The following SCN8A variants were observed in gnomAD, a reference collection of about 807,000 sequenced individuals.
SCN8A encodes sodium voltage-gated channel alpha subunit 8, also known as sodium channel protein type 8 subunit alpha.
SCN8A carries 30 observed loss-of-function variants against 184.1 expected under a neutral mutation model. That is an observed-to-expected ratio of 0.16 (90% CI 0.12 to 0.22). The LOEUF (loss-of-function observed/expected upper bound fraction) is 0.22, where lower values mean the gene tolerates loss of function less well. SCN8A is among the 10% of genes least tolerant of loss of function. The pLI is 1.00. For synonymous variants in SCN8A, 852 were observed against 907.0 expected (o/e 0.94, Z 1.09); for missense variants, 1,057 against 2,498.9 (o/e 0.42, Z 12.30).
intron 1 of SCN8A, among the ~76,000 whole-genome samples, chr12:51,611,203 T>G (rs936379181): frequency 6.6e-6 from 1 of 151,858 alleles, no homozygotes; most frequent in African/African-American, 2.4e-5. Context: ...TTTTTTTTTT[T>G]TTTTGAGACA....
chr12:51,592,690 A>G (rs1452067339), intron 1 of SCN8A, among the ~76,000 whole-genome samples: 1 of 151,078 alleles, frequency 6.6e-6, no homozygotes, highest in Non-Finnish European at 1.5e-5. Flanking sequence ...GGCACCAGAG[A>G]GTCAGGGATG....
At chr12:51,636,082 C>T (rs544096459) in intron 1 of SCN8A, among the ~76,000 whole-genome samples, 1 of 152,300 alleles carries the variant, frequency 6.6e-6, no homozygotes, top group Non-Finnish European at 1.5e-5. Flanking sequence ...GCAAGCTCTG[C>T]CTCCTAGGTT....
chr12:51,751,090 G>A (rs557662185), intron 13 of SCN8A, among the ~76,000 whole-genome samples: 3 of 152,222 alleles, frequency 2.0e-5, no homozygotes, highest in South Asian at 4.2e-4. Context: ...AGACCTGAGA[G>A]GCCAAGCTCT....
rs897392934 is a variant in SCN8A at position 51,700,849 on chromosome 12, G to T, written c.929-295G>T. On this transcript the variant is annotated intron_variant, in intron 7 of 26. Transcript: ENST00000627620. ...TACAACTCAGAAAACTTACTTTTAG[G>T]TCCCTTTGATTCAAGTACCAGAATC... is the stretch of plus-strand genomic sequence containing the variant. Among the ~76,000 whole-genome samples the T allele has an allele frequency of 3.3e-5, 5 of 152,254 alleles. No individual in the cohort carries two copies. In the South Asian group the frequency reaches 1.0e-3, roughly 32 times the overall value.
At chr12:51,796,869 A>G (rs303812) in intron 26 of SCN8A, among the ~76,000 whole-genome samples, 130,770 of 152,156 alleles carry the variant, frequency 0.86, 56,389 homozygotes, top group East Asian at 0.98. Context: ...GATGAAGGCC[A>G]GAAGACTCAG....
chr12:51,718,200 G>A (rs894956276), intron 11 of SCN8A, among the ~76,000 whole-genome samples: 25 of 152,212 alleles, frequency 1.6e-4, no homozygotes, highest in African/African-American at 5.8e-4. Flanking sequence ...AGTATTAACA[G>A]GCTGAGCGCA....
chr12:51,659,391 G>T (rs542878253), intron 1 of SCN8A, among the ~76,000 whole-genome samples: 6 of 152,268 alleles, frequency 3.9e-5, no homozygotes, highest in Admixed American at 2.6e-4. Flanking sequence ...GGTTACACAG[G>T]CACATACATA....
rs34564079 is a variant in SCN8A at position 51,679,721 on chromosome 12, C to CTTTTT, written c.277-4435_277-4431dup. On this transcript the variant is annotated intron_variant, in intron 2 of 26. Coordinates refer to ENST00000627620, the MANE Select transcript of SCN8A (RefSeq NM_001330260.2). ...TGTGTTTGTCCAAAGACTATCTTGC[C>CTTTTT]TTTTTTTTTTTTTTTTTTTTTTGAG... Among the ~76,000 whole-genome samples the CTTTTT allele has an allele frequency of 3.3e-4, 28 of 85,510 alleles. 1 individual carries two copies. The highest frequency in any genetic ancestry group is 8.6e-4 in the African/African-American group (19 of 22,030). The allele number at this position is 85,510 out of a possible 152,430, so 56.1% of individuals were successfully genotyped here.
At chr12:51,804,609 C>G (rs559007446) in intron 26 of SCN8A, among the ~76,000 whole-genome samples, 1 of 152,294 alleles carries the variant, frequency 6.6e-6, no homozygotes, top group South Asian at 2.1e-4. Flanking sequence ...CATGCCTCAG[C>G]CTCCTGAATA....
Position 51,810,483 on chromosome 12 carries a change from A to G in SCN8A, c.*3054A>G. On this transcript the variant is annotated 3_prime_UTR_variant, in exon 27 of 27. Transcript: ENST00000627620. ...GCAATGCTTTGCCAAATATTAACGA[A>G]GCCAATCAAAGAGCAGCGCAGCCAC... The G allele has an allele frequency of 4.5e-6, 2 of 440,672 alleles. No homozygotes were observed. Among genetic ancestry groups the G allele is most frequent in the Non-Finnish European group, 9.1e-6 (2 of 220,450 alleles). The allele number at this position is 440,672 out of a possible 1,614,324, so 27.3% of individuals were successfully genotyped here.
chr12:51,781,342 C>T (rs1937914843), intron 21 of SCN8A, among the ~76,000 whole-genome samples: 1 of 152,138 alleles, frequency 6.6e-6, no homozygotes, highest in Admixed American at 6.5e-5. Flanking sequence ...TTGTTGTTCT[C>T]AGCCCAGTCC....
chr12:51,781,784 G>A (rs1002259131), intron 21 of SCN8A, among the ~76,000 whole-genome samples: 2 of 152,150 alleles, frequency 1.3e-5, no homozygotes, highest in Non-Finnish European at 2.9e-5. Context: ...AAGAAAACTC[G>A]CTTCAATTCA....
intron 12 of SCN8A, chr12:51,722,226 T>G: frequency 2.2e-6 from 1 of 460,868 alleles, no homozygotes. Flanking sequence ...TCCTTTATTT[T>G]ACCGTTTTCT....
chr12:51,706,671 C>T lies in SCN8A; in HGVS notation c.1591C>T (p.Leu531=), dbSNP rs773176178. The change falls in exon 11 of 27, where the codon CTG becomes TTG. Residue 531 remains leucine, a synonymous_variant. Transcript: ENST00000627620. ...TGGCATGAGAAGGAAGGCCTTTCGGCTGCCAGACAACAGAATAGGGAGGAA... is the reference window on the plus strand; with the variant it reads ...TGGCATGAGAAGGAAGGCCTTTCGGTTGCCAGACAACAGAATAGGGAGGAA... ...EDGMRRKAFR[L]PDNRIGRKFS... is the part of the protein sequence containing the mutation. 1.9e-6 allele frequency: 3 copies of T among 1,594,918 alleles called. No homozygotes were observed. The South Asian group carries it at 3.5e-5, about 18-fold the overall frequency.
intron 2 of SCN8A, among the ~76,000 whole-genome samples, chr12:51,663,903 ATTTTTTT>A (rs796653928): frequency 4.9e-4 from 34 of 69,824 alleles, no homozygotes; most frequent in African/African-American, 6.3e-4. Context: ...CATTTGACAG[ATTTTTTT>A]TTTTTTTTTT....
intron 1 of SCN8A, among the ~76,000 whole-genome samples, chr12:51,613,335 T>C (rs777952523): frequency 2.6e-5 from 4 of 152,216 alleles, no homozygotes; most frequent in Non-Finnish European, 5.9e-5. Flanking sequence ...TGAGTTTTAA[T>C]ACTTTGTGGC....
At chr12:51,657,367 C>A (rs1038100106) in intron 1 of SCN8A, among the ~76,000 whole-genome samples, 1 of 152,032 alleles carries the variant, frequency 6.6e-6, no homozygotes, top group Non-Finnish European at 1.5e-5. Context: ...ACTTTTCTAG[C>A]GTTTCCCTGA....
At chr12:51,663,903 A>ATGTTTTTTT (rs1940974975) in intron 2 of SCN8A, among the ~76,000 whole-genome samples, 1 of 69,806 alleles carries the variant, frequency 1.4e-5, no homozygotes, top group African/African-American at 4.8e-5. Context: ...CATTTGACAG[A>ATGTTTTTTT]TTTTTTTTTT....
Position 51,807,584 on chromosome 12 carries a change from A to C in SCN8A, c.*155A>C, listed in dbSNP as rs1409459088. 10 of 810,630 alleles carry C rather than the reference A, an allele frequency of 1.2e-5. No homozygotes were observed. The East Asian group carries it at 2.4e-4, about 19-fold the overall frequency. 50.2% of individuals were successfully genotyped at this position (810,630 alleles called of 1,614,324 possible). On this transcript the variant is annotated 3_prime_UTR_variant, in exon 27 of 27. Coordinates refer to ENST00000627620, the MANE Select transcript of SCN8A (RefSeq NM_001330260.2). This position sits in a 1 kb window ranked among gnomAD's most constrained non-coding sequence, Gnocchi z 4.5. Reference sequence around the variant, plus strand: ...TCTGCTTACCACGTAACACAGCTGCATCTTGAGCAGTGACCTGCCAAGGGC... The same window carrying C: ...TCTGCTTACCACGTAACACAGCTGCCTCTTGAGCAGTGACCTGCCAAGGGC...
Sources: gnomAD v4.1 joint callset for allele counts (sites outside exome capture counted in the v4.1 genomes callset) on GRCh38, gnomAD v4.1.1 for gene constraint, Gnocchi (gnomAD v3.1) non-coding constraint, MANE v1.5 for transcripts, NCBI Gene and HGNC (gene_info 2026-07-23, HGNC 2026-07-21) for gene names.